NT5DC1: variants seen among roughly 807,000 people sequenced by gnomAD.
The protein encoded by NT5DC1 is 5'-nucleotidase domain-containing protein 1.
Under a neutral mutation model 59.4 loss-of-function variants are expected in NT5DC1, and 42 were observed. That is an observed-to-expected ratio of 0.71 (90% CI 0.55 to 0.92). The LOEUF is 0.92. Among genes scored for constraint, NT5DC1 ranks in the 40% least tolerant of loss-of-function variants. The probability of loss-of-function intolerance (pLI) is 0.00; values close to 1 mark genes in which losing one functional copy is unlikely to be tolerated. For synonymous variants in NT5DC1, 172 were observed against 188.1 expected (o/e 0.91, Z 0.70); for missense variants, 501 against 537.1 (o/e 0.93, Z 0.66).
In NT5DC1 at chr6:116,178,052, A is replaced by AGTGTGTGTGTGTGTGT. The variant is rs61085607; in HGVS notation, c.530-42980_530-42965dup. 6.2e-4 allele frequency among the ~76,000 whole-genome samples: 85 copies of AGTGTGTGTGTGTGTGT among 136,412 alleles called. 1 individual carries two copies. The highest frequency in any genetic ancestry group is 2.0e-3 in the African/African-American group (74 of 36,774). The allele number at this position is 136,412 out of a possible 152,430, so 89.5% of individuals were successfully genotyped here. A position where few individuals can be genotyped will look rare whatever the true frequency, so the allele number is the denominator to read the frequency against. ...GCTTTCATAACTTTACAAAGAGGAA[A>AGTGTGTGTGTGTGTGT]GTGTGTGTGTGTGTGTGTGTGTGTG... On this transcript the variant is annotated intron_variant, in intron 6 of 11. Transcript: ENST00000319550.
Position 116,246,165 on chromosome 6 carries a change from A to G in NT5DC1, c.*2141A>G, listed in dbSNP as rs1043830097. On this transcript the variant is annotated 3_prime_UTR_variant, in exon 12 of 12. Coordinates refer to ENST00000319550, the MANE Select transcript of NT5DC1 (RefSeq NM_152729.3). ...TGAAGCAAAAAAATTGTATAAATGG[A>G]CAGAAGACATGTAATATTCGCATAC... The G allele has an allele frequency of 3.8e-4, 58 of 152,310 alleles. No homozygotes were observed. Among genetic ancestry groups the G allele is most frequent in the African/African-American group, 1.3e-3 (54 of 41,568 alleles). The allele number at this position is 152,310 out of a possible 1,614,324, so 9.4% of individuals were successfully genotyped here.
At chr6:116,125,484 T>TCAA in intron 6 of NT5DC1, 1 of 1,613,838 alleles carries the variant, frequency 6.2e-7, no homozygotes, top group Non-Finnish European at 8.5e-7. Context: ...AGGGTATTTG[T>TCAA]GGCAGCATAT....
Position 116,246,468 on chromosome 6 carries a change from T to TACACACACACACACACACACAC in NT5DC1, c.*2449_*2470dup, listed in dbSNP as rs57839520. On this transcript the variant is annotated 3_prime_UTR_variant, in exon 12 of 12. Transcript: ENST00000319550. ...ATTCATATCCAAAAATAACTTTAAA[T>TACACACACACACACACACACAC]ACACACACACACACACACACACACA... 1.7e-4 allele frequency: 25 copies of TACACACACACACACACACACAC among 149,562 alleles called. No individual in the cohort carries two copies. The highest frequency in any genetic ancestry group is 6.2e-4 in the African/African-American group (25 of 40,534). 9.3% of individuals were successfully genotyped at this position (149,562 alleles called of 1,614,324 possible). A position where few individuals can be genotyped will look rare whatever the true frequency, so the allele number is the denominator to read the frequency against.
intron 6 of NT5DC1, among the ~76,000 whole-genome samples, chr6:116,147,312 T>C (rs1246036898): frequency 6.6e-6 from 1 of 151,694 alleles, no homozygotes; most frequent in Non-Finnish European, 1.5e-5. Context: ...CGTGGTGGCA[T>C]CTACCTGTAA....
At chr6:116,238,058 G>C in intron 9 of NT5DC1, 129 bp from the exon 10 acceptor site, 2 of 583,296 alleles carry the variant, frequency 3.4e-6, no homozygotes, top group Non-Finnish European at 5.9e-6. Context: ...TCAAATAAGT[G>C]AAGATGTTTA....
intron 6 of NT5DC1, among the ~76,000 whole-genome samples, chr6:116,165,370 T>C (rs1043071067): frequency 6.6e-6 from 1 of 152,230 alleles, no homozygotes; most frequent in Non-Finnish European, 1.5e-5. Flanking sequence ...TCCACATGGA[T>C]TTCTATATCT....
At chr6:116,221,338 G>A (rs558502293) in intron 7 of NT5DC1, 110 bp downstream of exon 7, 11 of 649,384 alleles carry the variant, frequency 1.7e-5, no homozygotes, top group African/African-American at 5.4e-5. Context: ...TTTAAACAAT[G>A]CTGAGTGACA....
chr6:116,121,548 C>A, intron 6 of NT5DC1: 2 of 1,614,020 alleles, frequency 1.2e-6, no homozygotes, highest in East Asian at 2.2e-5. Flanking sequence ...TATCCCATTT[C>A]CCCTTTCTGT....
At chr6:116,239,215 C>G in intron 11 of NT5DC1, 92 bp downstream of exon 11, 5 of 955,656 alleles carry the variant, frequency 5.2e-6, no homozygotes, top group Non-Finnish European at 7.9e-6. Flanking sequence ...GAAATGTTGC[C>G]ACAACATTGA....
intron 7 of NT5DC1, among the ~76,000 whole-genome samples, 184 bp from the exon 8 acceptor site, chr6:116,222,850 A>G (rs951575566): frequency 6.6e-6 from 1 of 152,150 alleles, no homozygotes; most frequent in East Asian, 1.9e-4. Flanking sequence ...ACTAGTACTC[A>G]CCCACCTTCT....
At chr6:116,204,968 G>T (rs1445086675) in intron 6 of NT5DC1, among the ~76,000 whole-genome samples, 2 of 151,984 alleles carry the variant, frequency 1.3e-5, no homozygotes, top group Non-Finnish European at 2.9e-5. Context: ...ATATGTGTGT[G>T]TAAGTCCATA....
At chr6:116,200,050 G>T (rs1337356944) in intron 6 of NT5DC1, among the ~76,000 whole-genome samples, 1 of 151,620 alleles carries the variant, frequency 6.6e-6, no homozygotes, top group African/African-American at 2.4e-5. Flanking sequence ...ATACTGTCCT[G>T]GCCAAATCAT....
intron 6 of NT5DC1, chr6:116,120,741 T>C: frequency 6.3e-7 from 1 of 1,593,772 alleles, no homozygotes; most frequent in Non-Finnish European, 8.5e-7. Flanking sequence ...AATCCTGGAA[T>C]GCCTGGTGGC....
intron 6 of NT5DC1, among the ~76,000 whole-genome samples, chr6:116,157,350 G>T (rs975899631): frequency 7.9e-5 from 12 of 152,174 alleles, no homozygotes; most frequent in Non-Finnish European, 1.6e-4. Flanking sequence ...ACAAGTAACT[G>T]TATGGACTTC....
chr6:116,103,221 T>C (rs1713397211), intron 1 of NT5DC1, among the ~76,000 whole-genome samples: 1 of 152,300 alleles, frequency 6.6e-6, no homozygotes, highest in South Asian at 2.1e-4. Context: ...ATAATAGGTA[T>C]TTTAATAACA....
chr6:116,196,727 T>C (rs758897295), intron 6 of NT5DC1, among the ~76,000 whole-genome samples: 1 of 152,028 alleles, frequency 6.6e-6, no homozygotes, highest in Non-Finnish European at 1.5e-5. Context: ...TTGTGTTTGC[T>C]GCTTCTTAAC....
chr6:116,154,873 G>A (rs538384599), intron 6 of NT5DC1, among the ~76,000 whole-genome samples: 8 of 151,976 alleles, frequency 5.3e-5, no homozygotes, highest in Non-Finnish European at 1.0e-4. Context: ...CAAAAATAAT[G>A]AATTGTTTTA....
At chr6:116,150,822 G>A (rs1780020582) in intron 6 of NT5DC1, among the ~76,000 whole-genome samples, 2 of 152,132 alleles carry the variant, frequency 1.3e-5, no homozygotes, top group South Asian at 2.1e-4. Flanking sequence ...TATATATCTA[G>A]TGAATATCAA....
chr6:116,147,970 G>A (rs1387638313), intron 6 of NT5DC1, among the ~76,000 whole-genome samples: 1 of 151,270 alleles, frequency 6.6e-6, no homozygotes, highest in Non-Finnish European at 1.5e-5. Flanking sequence ...TGGCGACAGA[G>A]CGAGACTCTG....
Sources: allele counts gnomAD v4.1 joint callset (sites outside exome capture counted in the v4.1 genomes callset), GRCh38; gene constraint gnomAD v4.1.1; transcripts MANE v1.5; gene names NCBI Gene and HGNC (gene_info 2026-07-23, HGNC 2026-07-21).